FSTL5: variants seen among roughly 807,000 people sequenced by gnomAD.
FSTL5 encodes follistatin like 5.
FSTL5 carries 62 observed loss-of-function variants against 89.1 expected under a neutral mutation model. The observed-to-expected ratio is 0.70, with a 90% CI of 0.57 to 0.86. The LOEUF (loss-of-function observed/expected upper bound fraction) is 0.86. Ranked by LOEUF, FSTL5 falls within the 40% of genes least tolerant of loss-of-function variation. The pLI is 0.00. For missense variants in FSTL5, 1,057 were observed against 1,001.6 expected (o/e 1.06, Z -0.75); for synonymous variants, 383 against 346.2 (o/e 1.11, Z -1.18).
rs186165784 is a variant in FSTL5 at position 161,669,236 on chromosome 4, T to A, written c.728-12742A>T. ...ATATCAGTTTTTCTCCACTCCATCT[T>A]TAAATTTAATGCAATCCCAGTCAAA... is the stretch of plus-strand genomic sequence containing the variant. On this transcript the variant is annotated intron_variant, in intron 6 of 15. Coordinates refer to ENST00000306100, the MANE Select transcript of FSTL5 (RefSeq NM_020116.5). Among the ~76,000 whole-genome samples the A allele has an allele frequency of 6.0e-3, 913 of 152,176 alleles. 9 individuals carry two copies. The highest frequency in any genetic ancestry group is 0.045 in the South Asian group (218 of 4,808).
intron 3 of FSTL5, among the ~76,000 whole-genome samples, chr4:162,000,584 C>T (rs1261192660): frequency 1.3e-5 from 2 of 149,486 alleles, no homozygotes; most frequent in African/African-American, 2.5e-5. Context: ...GGTGACAGAG[C>T]GAGACTCAGT....
intron 7 of FSTL5, among the ~76,000 whole-genome samples, chr4:161,605,842 G>C (rs1734420865): frequency 6.6e-6 from 1 of 152,162 alleles, no homozygotes; most frequent in Admixed American, 6.5e-5. Context: ...CAGTTGTTCT[G>C]TAACTTCTGG....
chr4:161,632,116 C>T lies in FSTL5; in HGVS notation c.894+24212G>A, dbSNP rs146160921. On this transcript the variant is annotated intron_variant, in intron 7 of 15. Transcript: ENST00000306100. ...ATAGATTCAGCCAGGCATGGTGGCT[C>T]ACACCTGTAATCCCAGCACTTTGGG... Among the ~76,000 whole-genome samples, 1,201 of 152,260 alleles carry T rather than the reference C, an allele frequency of 7.9e-3. 16 individuals carry two copies. The highest frequency in any genetic ancestry group is 0.028 in the African/African-American group (1,155 of 41,552).
chr4:161,713,430 T>A (rs1738865284), intron 6 of FSTL5, among the ~76,000 whole-genome samples: 1 of 152,162 alleles, frequency 6.6e-6, no homozygotes. Context: ...AGGTCCAATG[T>A]GTTTTCCTAC....
intron 4 of FSTL5, among the ~76,000 whole-genome samples, chr4:161,858,234 C>G (rs1731783472): frequency 6.6e-6 from 1 of 152,120 alleles, no homozygotes; most frequent in Non-Finnish European, 1.5e-5. Context: ...CAGAACTGGA[C>G]CATGTTGGCA....
chr4:161,481,237 G>T, intron 12 of FSTL5, 68 bp from the exon 13 acceptor site: 1 of 1,225,786 alleles, frequency 8.2e-7, no homozygotes, highest in Non-Finnish European at 1.1e-6. Flanking sequence ...CAATATCATG[G>T]GTAAAATTAA....
At chr4:161,924,889 C>A in intron 3 of FSTL5, among the ~76,000 whole-genome samples, 1 of 151,792 alleles carries the variant, frequency 6.6e-6, no homozygotes. Context: ...TGTTCATTAT[C>A]TCATAAAAAT....
chr4:161,745,199 A>G (rs1453467669), intron 6 of FSTL5, among the ~76,000 whole-genome samples: 1 of 152,188 alleles, frequency 6.6e-6, no homozygotes, highest in East Asian at 1.9e-4. Flanking sequence ...TAAATATTCT[A>G]ATATTTCAGC....
intron 15 of FSTL5, among the ~76,000 whole-genome samples, chr4:161,422,659 G>A (rs1732032013): frequency 6.6e-6 from 1 of 152,156 alleles, no homozygotes; most frequent in Admixed American, 6.5e-5. Flanking sequence ...CAGACTGTGT[G>A]CAGCAACAAC....
intron 15 of FSTL5, chr4:161,386,799 G>T: frequency 5.6e-6 from 1 of 179,302 alleles, no homozygotes; most frequent in Admixed American, 5.4e-5. Context: ...AAATAAGCTT[G>T]GTTAACTATT....
At chr4:161,595,751 A>G (rs781442517) in intron 7 of FSTL5, among the ~76,000 whole-genome samples, 1 of 152,002 alleles carries the variant, frequency 6.6e-6, no homozygotes, top group Non-Finnish European at 1.5e-5. Context: ...GCCTATATTT[A>G]ACCACAGGTT....
At chr4:161,430,763 A>G (rs1460046392) in intron 15 of FSTL5, among the ~76,000 whole-genome samples, 2 of 152,142 alleles carry the variant, frequency 1.3e-5, no homozygotes, top group Non-Finnish European at 2.9e-5. Context: ...AAACAAAAAA[A>G]TCCAACTCCC....
At chr4:161,767,041 C>T (rs531610150) in intron 5 of FSTL5, among the ~76,000 whole-genome samples, 21 of 152,230 alleles carry the variant, frequency 1.4e-4, no homozygotes, top group Non-Finnish European at 2.8e-4. Context: ...CTCAGTATTT[C>T]TGTCTACCCA....
chr4:161,767,892 A>G (rs1741071141), intron 5 of FSTL5, among the ~76,000 whole-genome samples: 1 of 141,746 alleles, frequency 7.1e-6, no homozygotes, highest in East Asian at 2.0e-4. Context: ...ATGAAAAACA[A>G]AGACACACCA....
Position 161,901,796 on chromosome 4 carries a change from G to A in FSTL5, c.409+18608C>T, listed in dbSNP as rs189424268. ...CTAAAATACAAAAAATTAGCCGGGC[G>A]TGGTGGGGTGCGCCTGTAGTCCCAG... On this transcript the variant is annotated intron_variant, in intron 4 of 15. Transcript: ENST00000306100. Among the ~76,000 whole-genome samples the A allele has an allele frequency of 9.8e-3, 1,489 of 152,164 alleles. 27 individuals carry two copies. Among genetic ancestry groups the A allele is most frequent in the African/African-American group, 0.034 (1,407 of 41,524 alleles).
At chr4:161,748,807 C>A (rs1324329774) in intron 6 of FSTL5, among the ~76,000 whole-genome samples, 1 of 151,626 alleles carries the variant, frequency 6.6e-6, no homozygotes, top group African/African-American at 2.4e-5. Flanking sequence ...TCAATAAGGG[C>A]ATTTGAAAAA....
chr4:161,589,560 C>T (rs1372855617), intron 7 of FSTL5, among the ~76,000 whole-genome samples: 1 of 152,052 alleles, frequency 6.6e-6, no homozygotes, highest in Non-Finnish European at 1.5e-5. Flanking sequence ...TCAAGTGACC[C>T]TCCTGCTTCA....
chr4:161,903,055 C>G (rs1450709259), intron 4 of FSTL5, among the ~76,000 whole-genome samples: 1 of 152,096 alleles, frequency 6.6e-6, no homozygotes, highest in African/African-American at 2.4e-5. Flanking sequence ...TGAATGTAGA[C>G]TATATTAAAC....
At chr4:161,671,381 T>C (rs183950555) in intron 6 of FSTL5, among the ~76,000 whole-genome samples, 337 of 152,298 alleles carry the variant, frequency 2.2e-3, no homozygotes, top group African/African-American at 7.9e-3. Context: ...CTTACTGTTA[T>C]TGCCTCTGTT....
Sources: gnomAD v4.1 joint callset for allele counts (sites outside exome capture counted in the v4.1 genomes callset) on GRCh38, gnomAD v4.1.1 for gene constraint, MANE v1.5 for transcripts, NCBI Gene and HGNC (gene_info 2026-07-23, HGNC 2026-07-21) for gene names.